The following OPHN1 variants were observed in gnomAD, a reference collection of about 807,000 sequenced individuals.
OPHN1 encodes oligophrenin-1.
A neutral mutation model predicts 60.7 loss-of-function variants in OPHN1; 11 were observed. The observed-to-expected ratio is 0.18, with a 90% confidence interval of 0.11 to 0.30. The LOEUF is 0.30. OPHN1 is among the 10% of genes least tolerant of loss of function. The probability of loss-of-function intolerance (pLI) is 1.00; values close to 1 mark genes in which losing one functional copy is unlikely to be tolerated. For synonymous variants in OPHN1, 226 were observed against 222.6 expected, an observed-to-expected ratio of 1.02 and a Z score of -0.14; for missense variants, 449 against 611.0, an observed-to-expected ratio of 0.73 and a Z score of 2.80.
chrX:68,289,170 C>T (rs965239042), intron 3 of OPHN1, among the ~76,000 whole-genome samples: 2 of 111,307 alleles, frequency 1.8e-5, no homozygotes, highest in African/African-American at 6.5e-5. Context: ...ATAGCAACAT[C>T]CCCTGCCGCA....
chrX:68,278,885 C>CA (rs1307187165), intron 4 of OPHN1, among the ~76,000 whole-genome samples: 3 of 109,639 alleles, frequency 2.7e-5, no homozygotes, highest in Admixed American at 9.7e-5. Context: ...GACTCCGTCA[C>CA]AAAAAATAAA....
intron 3 of OPHN1, among the ~76,000 whole-genome samples, chrX:68,295,298 T>A (rs2078089239): frequency 8.9e-6 from 1 of 112,369 alleles, no homozygotes; most frequent in Non-Finnish European, 1.9e-5. Flanking sequence ...TTCCACAAAT[T>A]ACCTTCTATA....
In OPHN1 at chrX:68,180,429, G is replaced by A. The variant is rs778676904; in HGVS notation, c.1276+12490C>T. On this transcript the variant is annotated intron_variant, in intron 15 of 24. Coordinates refer to ENST00000355520, the MANE Select transcript of OPHN1 (RefSeq NM_002547.3). ...TCTGAAACATATTCAGCATTAAAAA[G>A]ATTATAGGGTCATTTAATGACAAGA... is the stretch of plus-strand genomic sequence containing the variant. Among the ~76,000 whole-genome samples, 7 of 111,552 alleles carry A rather than the reference G, an allele frequency of 6.3e-5. No homozygotes were observed. In the Admixed American group the frequency reaches 6.7e-4, roughly 11 times the overall value.
At chrX:68,066,850 T>C (rs2076914744) in intron 20 of OPHN1, among the ~76,000 whole-genome samples, 1 of 112,243 alleles carries the variant, frequency 8.9e-6, no homozygotes, top group African/African-American at 3.2e-5. Flanking sequence ...TGAAGAGAGT[T>C]CATTGCTCTG....
Position 68,283,088 on chromosome X carries a change from G to C in OPHN1, c.280C>G (p.Leu94Val). 1 of 1,206,751 alleles carries C rather than the reference G, an allele frequency of 8.3e-7. No individual in the cohort carries two copies. The highest frequency in any genetic ancestry group is 1.1e-6 in the Non-Finnish European group (1 of 891,299). Residue 94 changes from leucine (L) to valine (V), a missense_variant, in exon 4 of 25, where the codon CTC becomes GTC. By Grantham distance (32) the Leu-to-Val change is conservative. Around this residue, in one of 4 missense-constraint regions of OPHN1, gnomAD observed 99 missense variants for 155.2 expected, o/e 0.64. Coordinates refer to ENST00000355520, the MANE Select transcript of OPHN1 (RefSeq NM_002547.3). ...AESFKEFAELLNEVENERMMM... is the reference protein window; with the variant it reads ...AESFKEFAELVNEVENERMMM... ...ATCCTCTCATTTTCTACCTCGTTGA[G>C]CAATTCAGCAAATTCCTTGAAGGAT...
intron 2 of OPHN1, among the ~76,000 whole-genome samples, chrX:68,393,918 C>T (rs2078668705): frequency 1.5e-4 from 2 of 13,750 alleles, no homozygotes; most frequent in Admixed American, 1.6e-3. Context: ...TTTTTTGAGA[C>T]GGAGTCTCGC....
At chrX:68,078,228 G>T (rs913239058) in intron 19 of OPHN1, among the ~76,000 whole-genome samples, 6 of 111,030 alleles carry the variant, frequency 5.4e-5, no homozygotes, top group Non-Finnish European at 1.1e-4. Context: ...AGTGGGGAAA[G>T]GCAAGGAATC....
chrX:68,351,192 G>T (rs1337541312), intron 2 of OPHN1, among the ~76,000 whole-genome samples: 1 of 111,477 alleles, frequency 9.0e-6, no homozygotes. Flanking sequence ...CTCCCAAAGT[G>T]CTGGGATTAC....
intron 15 of OPHN1, among the ~76,000 whole-genome samples, chrX:68,140,796 C>T (rs2077239433): frequency 9.1e-6 from 1 of 110,425 alleles, no homozygotes; most frequent in African/African-American, 3.3e-5. Context: ...GCAGCTGATG[C>T]AAGTGGTTGG....
chrX:68,332,545 T>C (rs1025338899), intron 2 of OPHN1, among the ~76,000 whole-genome samples: 2 of 111,988 alleles, frequency 1.8e-5, no homozygotes, highest in Admixed American at 9.6e-5. Context: ...TAATCTGCCT[T>C]GGAGACTGCA....
chrX:68,217,723 C>T (rs1214878201), intron 6 of OPHN1, among the ~76,000 whole-genome samples: 1 of 110,050 alleles, frequency 9.1e-6, no homozygotes, highest in African/African-American at 3.3e-5. Flanking sequence ...AGGGTCCTCT[C>T]TGTTAGAAGG....
At chrX:68,172,818 G>A (rs2077397489) in intron 15 of OPHN1, among the ~76,000 whole-genome samples, 1 of 110,971 alleles carries the variant, frequency 9.0e-6, no homozygotes, top group Non-Finnish European at 1.9e-5. Context: ...ATTTTATGCT[G>A]TCTCGGTATC....
At chrX:68,099,377 C>T (rs1003816208) in intron 18 of OPHN1, among the ~76,000 whole-genome samples, 1 of 111,266 alleles carries the variant, frequency 9.0e-6, no homozygotes, top group African/African-American at 3.3e-5. Context: ...ATTCTGATTG[C>T]ATGGTTTAGA....
chrX:68,189,403 C>T (rs1049327477), intron 15 of OPHN1, among the ~76,000 whole-genome samples: 53 of 110,276 alleles, frequency 4.8e-4, no homozygotes, highest in Non-Finnish European at 5.3e-4. Context: ...ATGTGCACAA[C>T]GTGCAGGTTT....
chrX:68,333,688 GACACAC>G (rs756801078), intron 2 of OPHN1, among the ~76,000 whole-genome samples: 14 of 104,323 alleles, frequency 1.3e-4, no homozygotes, highest in Middle Eastern at 0.01. Flanking sequence ...CACACACACA[GACACAC>G]ACACACACAC....
At chrX:68,114,784 G>A (rs191460936) in intron 16 of OPHN1, among the ~76,000 whole-genome samples, 1 of 111,408 alleles carries the variant, frequency 9.0e-6, no homozygotes, top group Admixed American at 9.6e-5. Context: ...AGAAAGAATA[G>A]GTGAGGAGAC....
chrX:68,322,991 T>A (rs1484718586), intron 2 of OPHN1, among the ~76,000 whole-genome samples: 1 of 111,698 alleles, frequency 9.0e-6, no homozygotes, highest in Non-Finnish European at 1.9e-5. Context: ...GAGAGCATGT[T>A]CTTAGTTGCC....
intron 15 of OPHN1, among the ~76,000 whole-genome samples, chrX:68,148,660 A>G (rs1321323865): frequency 3.6e-5 from 4 of 111,425 alleles, no homozygotes; most frequent in Non-Finnish European, 7.5e-5. Context: ...AAGTAGCCGT[A>G]AAGAGCACAT....
At chrX:68,142,467 G>C (rs1313244145) in intron 15 of OPHN1, among the ~76,000 whole-genome samples, 4 of 111,992 alleles carry the variant, frequency 3.6e-5, no homozygotes, top group African/African-American at 1.3e-4. Context: ...TATTGTGGAA[G>C]CTTATGAAAT....
Sources: allele counts gnomAD v4.1 joint callset (sites outside exome capture counted in the v4.1 genomes callset), GRCh38; gene constraint gnomAD v4.1.1; regional missense constraint gnomAD v4.1.1; transcripts MANE v1.5; gene names NCBI Gene and HGNC (gene_info 2026-07-23, HGNC 2026-07-21).